The following SUCNR1 variants were observed in gnomAD, a reference collection of about 807,000 sequenced individuals.
SUCNR1 encodes the protein G-protein coupled receptor 91.
SUCNR1 carries 5 observed loss-of-function variants against 2.4 expected under a neutral mutation model. The observed-to-expected ratio is 2.07, with a 90% CI of 1.08 to 4.36. SUCNR1 has a LOEUF of 4.36. Ranked by LOEUF, SUCNR1 falls within the 30% of genes most tolerant of loss-of-function variation. The pLI, the probability that SUCNR1 is intolerant of heterozygous loss-of-function variation, is 0.00. For synonymous variants in SUCNR1, 162 were observed against 143.9 expected, an observed-to-expected ratio of 1.13 and a Z score of -0.90; for missense variants, 373 against 399.2, an observed-to-expected ratio of 0.93 and a Z score of 0.56.
rs1390567298 is a variant in SUCNR1 at position 151,883,496 on chromosome 3, ATATATATATG to A, written c.*1951_*1960del. ...TATATATATATATATATATATATAT[ATATATATATG>A]TACCTTGTAAACAAGAGGTTAAGAA... On this transcript the variant is annotated 3_prime_UTR_variant, in exon 3 of 3. Coordinates refer to ENST00000362032, the MANE Select transcript of SUCNR1 (RefSeq NM_033050.6). The A allele has an allele frequency of 1.1e-3, 133 of 123,588 alleles. 2 individuals carry two copies. Among genetic ancestry groups the A allele is most frequent in the Middle Eastern group, 4.2e-3 (1 of 238 alleles). The allele number at this position is 123,588 out of a possible 1,614,324, so 7.7% of individuals were successfully genotyped here. A position where few individuals can be genotyped will look rare whatever the true frequency, so the allele number is the denominator to read the frequency against.
rs1718160728 is a variant in SUCNR1 at position 151,883,465 on chromosome 3, C to CATATATATATATAGATATATATAT, written c.*1930_*1931insGATATATATATATATATATATATA. 1.2e-5 allele frequency: 1 copy of CATATATATATATAGATATATATAT among 80,392 alleles called. No individual in the cohort carries two copies. The highest frequency in any genetic ancestry group is 4.4e-4 in the East Asian group (1 of 2,266). 5.0% of individuals were successfully genotyped at this position (80,392 alleles called of 1,614,324 possible). A position where few individuals can be genotyped will look rare whatever the true frequency, so the allele number is the denominator to read the frequency against. ...AATATTTTTTCAAACCATAAACTCA[C>CATATATATATATAGATATATATAT]ATATATATATATATATATATATATA... On this transcript the variant is annotated 3_prime_UTR_variant, in exon 3 of 3. Transcript: ENST00000362032.
chr3:151,879,981 T>G, intron 2 of SUCNR1, 74 bp downstream of exon 2: 1 of 1,238,386 alleles, frequency 8.1e-7, no homozygotes, highest in Non-Finnish European at 1.1e-6. Flanking sequence ...CTTTGTTTCT[T>G]TGCTATTTGC....
rs1211448691 is a variant in SUCNR1, at chr3:151,880,952, G to C, written c.409G>C (p.Glu137Gln). 1 of 1,613,992 alleles carries C rather than the reference G, an allele frequency of 6.2e-7. No homozygotes were observed. Among genetic ancestry groups the C allele is most frequent in the South Asian group, 1.1e-5 (1 of 91,074 alleles). Residue 137 changes from glutamate (E) to glutamine (Q), a missense_variant, in exon 3 of 3, where the codon GAG becomes CAG. Glu to Gln is a conservative substitution (Grantham distance 29). This residue lies in a region of SUCNR1 where 184 missense variants were observed against 162.2 expected (regional missense o/e 1.13). Transcript: ENST00000362032. The stretch of plus-strand genomic sequence containing the variant: ...CCGAGAACACCTTCTGCAAAAGAAA[G>C]AGTTTGCTATTTTAATCTCCTTGGC... ...PFREHLLQKK[E>Q]FAILISLAIW...
At chr3:151,880,430 T>C (rs547974508) in intron 2 of SUCNR1, 129 bp from the exon 3 acceptor site, 4 of 687,080 alleles carry the variant, frequency 5.8e-6, no homozygotes, top group East Asian at 5.3e-5. Flanking sequence ...GTGTATGCTT[T>C]CCTTACTGAT....
At position 151,884,471 on chromosome 3, in the gene SUCNR1, C is replaced by T. The variant is rs1718192942; in HGVS notation, c.*2923C>T. 6.6e-6 allele frequency: 1 copy of T among 152,078 alleles called. No individual in the cohort carries two copies. The highest frequency in any genetic ancestry group is 1.9e-4 in the East Asian group (1 of 5,198). 9.4% of individuals were successfully genotyped at this position (152,078 alleles called of 1,614,324 possible). On this transcript the variant is annotated 3_prime_UTR_variant, in exon 3 of 3. Coordinates refer to ENST00000362032, the MANE Select transcript of SUCNR1 (RefSeq NM_033050.6). ...CATAATTTTCCTGTTTCTCTATATG[C>T]CTAGTAAATTAGAATTTTATTCTAG...
chr3:151,874,795 A>G (rs1717872720), intron 1 of SUCNR1, among the ~76,000 whole-genome samples: 1 of 152,082 alleles, frequency 6.6e-6, no homozygotes, highest in Non-Finnish European at 1.5e-5. Context: ...GTGAATATAT[A>G]TTTTTGCTCA....
intron 1 of SUCNR1, among the ~76,000 whole-genome samples, chr3:151,878,102 C>G (rs1476495741): frequency 6.6e-6 from 1 of 152,044 alleles, no homozygotes; most frequent in Non-Finnish European, 1.5e-5. Flanking sequence ...TTGGAATGAG[C>G]AATGTGGAGG....
Position 151,881,477 on chromosome 3 carries a change from C to T in SUCNR1, c.934C>T (p.His312Tyr). 1 of 1,613,878 alleles carries T rather than the reference C, an allele frequency of 6.2e-7. No individual in the cohort carries two copies. Among genetic ancestry groups the T allele is most frequent in the Non-Finnish European group, 8.5e-7 (1 of 1,179,834 alleles). ...GGACATGCTGATGAATCAACTGAGA[C>T]ACAACTTCAAATCCCTTACATCCTT... ...FRDMLMNQLR[H>Y]NFKSLTSFSR... is the part of the protein sequence containing the mutation. Residue 312 changes from histidine to tyrosine, a missense_variant, in exon 3 of 3, where the codon CAC becomes TAC. By Grantham distance (83) the His-to-Tyr change is moderately conservative. This residue lies in a region of SUCNR1 where 157 missense variants were observed against 178.7 expected (regional missense o/e 0.88). Coordinates refer to ENST00000362032, the MANE Select transcript of SUCNR1 (RefSeq NM_033050.6).
chr3:151,877,923 G>A (rs1717971325), intron 1 of SUCNR1, among the ~76,000 whole-genome samples: 1 of 152,112 alleles, frequency 6.6e-6, no homozygotes, highest in African/African-American at 2.4e-5. Context: ...AACATTTATT[G>A]CTTGAGCCAA....
Position 151,884,607 on chromosome 3 carries a change from T to G in SUCNR1, c.*3059T>G, listed in dbSNP as rs1020709147. 1 of 152,242 alleles carries G rather than the reference T, an allele frequency of 6.6e-6. No individual in the cohort carries two copies. The highest frequency in any genetic ancestry group is 2.4e-5 in the African/African-American group (1 of 41,462). 9.4% of individuals were successfully genotyped at this position (152,242 alleles called of 1,614,324 possible). A position where few individuals can be genotyped will look rare whatever the true frequency, so the allele number is the denominator to read the frequency against. On this transcript the variant is annotated 3_prime_UTR_variant, in exon 3 of 3. Coordinates refer to ENST00000362032, the MANE Select transcript of SUCNR1 (RefSeq NM_033050.6). ...TACATGTACACAATAATAAAAATAA[T>G]TTTTTTCTCAGACCTGCCTGCAATC...
intron 1 of SUCNR1, among the ~76,000 whole-genome samples, chr3:151,875,342 A>G (rs755197014): frequency 1.5e-4 from 23 of 152,150 alleles, no homozygotes; most frequent in Non-Finnish European, 3.2e-4. Flanking sequence ...CTTACTTCAT[A>G]TGTTTATAGA....
Position 151,881,653 on chromosome 3 carries a change from C to T in SUCNR1, c.*105C>T, listed in dbSNP as rs1357730620. On this transcript the variant is annotated 3_prime_UTR_variant, in exon 3 of 3. Coordinates refer to ENST00000362032, the MANE Select transcript of SUCNR1 (RefSeq NM_033050.6). ...AGAGTGTCACAGATTTAACCTTGATCTAAAGACAAGTTGTACCCAGAGTAT... is the reference window on the plus strand; with the variant it reads ...AGAGTGTCACAGATTTAACCTTGATTTAAAGACAAGTTGTACCCAGAGTAT... 9.4e-7 allele frequency: 1 copy of T among 1,064,296 alleles called. No homozygotes were observed. Among genetic ancestry groups the T allele is most frequent in the East Asian group, 2.4e-5 (1 of 41,444 alleles). 65.9% of individuals were successfully genotyped at this position (1,064,296 alleles called of 1,614,324 possible). A position where few individuals can be genotyped will look rare whatever the true frequency, so the allele number is the denominator to read the frequency against.
Position 151,882,362 on chromosome 3 carries a change from G to A in SUCNR1, c.*814G>A, listed in dbSNP as rs1718129021. The A allele has an allele frequency of 6.6e-6, 1 of 152,166 alleles. No individual in the cohort carries two copies. Among genetic ancestry groups the A allele is most frequent in the South Asian group, 2.1e-4 (1 of 4,826 alleles). The allele number at this position is 152,166 out of a possible 1,614,324, so 9.4% of individuals were successfully genotyped here. A position where few individuals can be genotyped will look rare whatever the true frequency, so the allele number is the denominator to read the frequency against. On this transcript the variant is annotated 3_prime_UTR_variant, in exon 3 of 3. Transcript: ENST00000362032. ...TTTTAAATGATGATTTTGCCATCTG[G>A]TATTTTATTATCATAATTTGACCAC...
rs941828310 is a variant in SUCNR1 at position 151,882,457 on chromosome 3, T to G, written c.*909T>G. On this transcript the variant is annotated 3_prime_UTR_variant, in exon 3 of 3. Coordinates refer to ENST00000362032, the MANE Select transcript of SUCNR1 (RefSeq NM_033050.6). ...ATTTAATAGTGAACTTTAAAATATA[T>G]TAATATCATAAACCAGCAAATAAGG... is the stretch of plus-strand genomic sequence containing the variant. The G allele has an allele frequency of 6.6e-6, 1 of 152,160 alleles. No homozygotes were observed. Among genetic ancestry groups the G allele is most frequent in the Non-Finnish European group, 1.5e-5 (1 of 67,994 alleles). 9.4% of individuals were successfully genotyped at this position (152,160 alleles called of 1,614,324 possible).
Position 151,881,218 on chromosome 3 carries a change from G to A in SUCNR1, c.675G>A (p.Leu225=). Residue 225 remains leucine (L), a synonymous_variant, in exon 3 of 3, where the codon CTG becomes CTA. Coordinates refer to ENST00000362032, the MANE Select transcript of SUCNR1 (RefSeq NM_033050.6). ...GGAATAGGCAGGTTGCTACTGCTCTGCCCCTTGAAAAGCCTCTCAACTTGG... is the reference window on the plus strand; with the variant it reads ...GGAATAGGCAGGTTGCTACTGCTCTACCCCTTGAAAAGCCTCTCAACTTGG... ...KQRNRQVATA[L]PLEKPLNLVI... is the part of the protein sequence containing the mutation. 1.2e-6 allele frequency: 2 copies of A among 1,614,154 alleles called. No homozygotes were observed. The highest frequency in any genetic ancestry group is 1.7e-6 in the Non-Finnish European group (2 of 1,180,016).
At position 151,874,105 on chromosome 3, in the gene SUCNR1, C is replaced by CAT. The variant is rs1319151155; in HGVS notation, c.-42+400_-42+401insTA. On this transcript the variant is annotated intron_variant, in intron 1 of 2. Transcript: ENST00000362032. ...ACATACACACACACACACACACACACACACACACACATATACATACATATA... is the reference window on the plus strand; with the variant it reads ...ACATACACACACACACACACACACACATACACACACACATATACATACATATA... 1.4e-4 allele frequency among the ~76,000 whole-genome samples: 18 copies of CAT among 131,198 alleles called. 1 individual carries two copies. The highest frequency in any genetic ancestry group is 5.6e-4 in the African/African-American group (18 of 32,244). The allele number at this position is 131,198 out of a possible 152,430, so 86.1% of individuals were successfully genotyped here.
chr3:151,877,489 G>A (rs554936980), intron 1 of SUCNR1, among the ~76,000 whole-genome samples: 5 of 152,260 alleles, frequency 3.3e-5, no homozygotes, highest in South Asian at 2.1e-4. Flanking sequence ...TAGCCTGGAC[G>A]AGAATGATAA....
chr3:151,882,327 G>C lies in SUCNR1; in HGVS notation c.*779G>C, dbSNP rs969274305. ...CCCAAAGCAAAACAGAACAAAAAGT[G>C]AATACATCGTTTTAAATGATGATTT... On this transcript the variant is annotated 3_prime_UTR_variant, in exon 3 of 3. Transcript: ENST00000362032. 5 of 152,168 alleles carry C rather than the reference G, an allele frequency of 3.3e-5. No individual in the cohort carries two copies. The highest frequency in any genetic ancestry group is 1.2e-4 in the African/African-American group (5 of 41,542). The allele number at this position is 152,168 out of a possible 1,614,324, so 9.4% of individuals were successfully genotyped here.
At position 151,881,260 on chromosome 3, in the gene SUCNR1, A is replaced by C. The variant is rs767839041; in HGVS notation, c.717A>C (p.Val239=). ...KPLNLVIMAV[V]IFSVLFTPYH... ...TCAACTTGGTCATCATGGCAGTGGT[A>C]ATCTTCTCTGTGCTTTTTACACCCT... The change falls in exon 3 of 3, where the codon GTA becomes GTC. Residue 239 remains valine, a synonymous_variant. Transcript: ENST00000362032. 3 of 1,614,196 alleles carry C rather than the reference A, an allele frequency of 1.9e-6. No homozygotes were observed. Among genetic ancestry groups the C allele is most frequent in the Non-Finnish European group, 2.5e-6 (3 of 1,180,038 alleles).
Sources: gnomAD v4.1 joint callset for allele counts (sites outside exome capture counted in the v4.1 genomes callset) on GRCh38, gnomAD v4.1.1 for gene constraint, gnomAD v4.1.1 regional missense constraint, MANE v1.5 for transcripts, NCBI Gene and HGNC (gene_info 2026-07-23, HGNC 2026-07-21) for gene names.